The following ADAMTSL1 variants were observed in gnomAD, a reference collection of about 807,000 sequenced individuals.
ADAMTSL1 encodes the protein ADAMTS like 1, also known as ADAMTS-like protein 1.
In ADAMTSL1, 126 loss-of-function variants were observed where a neutral mutation model predicts 201.8. The ratio of observed to expected loss-of-function variants is 0.62; its 90% CI spans 0.54 to 0.72. The LOEUF (loss-of-function observed/expected upper bound fraction) is 0.72, where lower values mean the gene tolerates loss of function less well. Ranked by LOEUF, ADAMTSL1 falls within the 30% of genes least tolerant of loss-of-function variation. The pLI, the probability that ADAMTSL1 is intolerant of heterozygous loss-of-function variation, is 0.00. For missense variants in ADAMTSL1, 2,679 were observed against 2,277.8 expected (o/e 1.18, Z -3.59); for synonymous variants, 1,121 against 903.4 (o/e 1.24, Z -4.32).
At chr9:18,884,793 T>C (rs554255083) in intron 23 of ADAMTSL1, among the ~76,000 whole-genome samples, 1 of 152,366 alleles carries the variant, frequency 6.6e-6, no homozygotes, top group African/African-American at 2.4e-5. Flanking sequence ...TTTTGATTAC[T>C]ATCACTTTGT....
intron 1 of ADAMTSL1, among the ~76,000 whole-genome samples, chr9:18,055,474 A>T (rs1822140403): frequency 6.6e-6 from 1 of 152,224 alleles, no homozygotes; most frequent in Non-Finnish European, 1.5e-5. Flanking sequence ...CTATTCTAAA[A>T]ACCCTTCTAT....
chr9:18,504,880 T>A lies in ADAMTSL1; in HGVS notation c.115T>A (p.Trp39Arg). 6.2e-7 allele frequency: 1 copy of A among 1,613,684 alleles called. No individual in the cohort carries two copies. Among genetic ancestry groups the A allele is most frequent in the Non-Finnish European group, 8.5e-7 (1 of 1,179,912 alleles). The part of the protein sequence containing the change: ...EEDRDGLWDA[W>R]GPWSECSRTC... ...GGACCGGGACGGCCTATGGGATGCC[T>A]GGGGCCCATGGAGTGAATGCTCACG... The change falls in exon 2 of 29, where the codon TGG (tryptophan) becomes AGG (arginine). Residue 39 changes from tryptophan (W) to arginine (R), a missense_variant. Coordinates refer to ENST00000380548, the MANE Select transcript of ADAMTSL1 (RefSeq NM_001040272.6).
At chr9:18,785,642 A>G (rs960573879) in intron 19 of ADAMTSL1, among the ~76,000 whole-genome samples, 5 of 152,146 alleles carry the variant, frequency 3.3e-5, no homozygotes, top group African/African-American at 9.7e-5. Context: ...TGGAGATGAG[A>G]CTCAGGCAAA....
chr9:18,023,288 G>A (rs925230466), intron 1 of ADAMTSL1, among the ~76,000 whole-genome samples: 5 of 152,126 alleles, frequency 3.3e-5, no homozygotes, highest in African/African-American at 1.2e-4. Context: ...GTAGGTCTGG[G>A]GTGGTGCTCA....
intron 2 of ADAMTSL1, chr9:18,360,788 A>T (rs1196809075): frequency 3.3e-5 from 5 of 152,266 alleles, no homozygotes; most frequent in Admixed American, 2.0e-4. Flanking sequence ...TAATACATGG[A>T]TTTCATTGAC....
chr9:18,625,004 T>G (rs1444703998), intron 5 of ADAMTSL1, among the ~76,000 whole-genome samples: 2 of 152,218 alleles, frequency 1.3e-5, no homozygotes, highest in Non-Finnish European at 2.9e-5. Context: ...CTGAACAAAC[T>G]GCCTCACTTA....
At chr9:18,883,690 C>T (rs1588302390) in intron 23 of ADAMTSL1, among the ~76,000 whole-genome samples, 1 of 151,678 alleles carries the variant, frequency 6.6e-6, no homozygotes, top group South Asian at 2.1e-4. Context: ...TTATATCTGA[C>T]TTCCTTCATT....
chr9:17,922,348 G>C (rs961261886), intron 1 of ADAMTSL1, among the ~76,000 whole-genome samples: 9 of 152,122 alleles, frequency 5.9e-5, no homozygotes, highest in Non-Finnish European at 1.3e-4. Flanking sequence ...ACAAACTTCA[G>C]TGTGCCTAAG....
At chr9:18,761,898 C>A (rs1479114903) in intron 16 of ADAMTSL1, among the ~76,000 whole-genome samples, 1 of 152,208 alleles carries the variant, frequency 6.6e-6, no homozygotes, top group South Asian at 2.1e-4. Context: ...ATACCTGGAG[C>A]GTCAGACTCT....
At position 18,503,421 on chromosome 9, in the gene ADAMTSL1, G is replaced by GTGTATATATATA. The variant is rs376466829; in HGVS notation, c.64-1407_64-1406insGTATATATATAT. ...TTAAGGCTGAATAGTATTCCATTGT[G>GTGTATATATATA]TATATATATATATATATATACCACA... On this transcript the variant is annotated intron_variant, in intron 1 of 28. Coordinates refer to ENST00000380548, the MANE Select transcript of ADAMTSL1 (RefSeq NM_001040272.6). Among the ~76,000 whole-genome samples, 345 of 115,280 alleles carry GTGTATATATATA rather than the reference G, an allele frequency of 3.0e-3. 36 individuals carry two copies. The highest frequency in any genetic ancestry group is 5.0e-3 in the Non-Finnish European group (270 of 53,748). The allele number at this position is 115,280 out of a possible 152,430, so 75.6% of individuals were successfully genotyped here.
At chr9:18,847,440 G>C (rs1003932356) in intron 23 of ADAMTSL1, among the ~76,000 whole-genome samples, 1 of 152,216 alleles carries the variant, frequency 6.6e-6, no homozygotes, top group Non-Finnish European at 1.5e-5. Context: ...TATAGTAGGA[G>C]AAATAGAAAA....
At chr9:18,841,045 T>C (rs1825684268) in intron 23 of ADAMTSL1, among the ~76,000 whole-genome samples, 1 of 147,618 alleles carries the variant, frequency 6.8e-6, no homozygotes, top group African/African-American at 2.5e-5. Context: ...TCCTGCCGAA[T>C]TGCCCTGGCC....
rs140947294 is a variant in ADAMTSL1 at position 18,325,867 on chromosome 9, C to T, written c.207+161886C>T. On this transcript the variant is annotated intron_variant, in intron 2 of 29. Transcript: ENST00000680146. ...GCGATTCTCCTGCCTCCGCCTCCCG[C>T]GTCGCTGGGATTACAGGCATGCACC... 2.4e-4 allele frequency among the ~76,000 whole-genome samples: 37 copies of T among 152,238 alleles called. No homozygotes were observed. In the East Asian group the frequency reaches 4.6e-3, roughly 19 times the overall value.
intron 1 of ADAMTSL1, among the ~76,000 whole-genome samples, chr9:18,000,601 A>T (rs1422519356): frequency 6.6e-6 from 1 of 151,986 alleles, no homozygotes; most frequent in Non-Finnish European, 1.5e-5. Flanking sequence ...ACTTGGGAAA[A>T]ACCTCCTTTG....
chr9:18,533,210 T>C, intron 2 of ADAMTSL1, 37 bp from the exon 3 acceptor site: 2 of 1,569,100 alleles, frequency 1.3e-6, no homozygotes, highest in Non-Finnish European at 1.7e-6. Flanking sequence ...GAGCTTTTCA[T>C]AAGTAGTAAT....
chr9:18,045,422 C>G (rs1261958149), intron 1 of ADAMTSL1, among the ~76,000 whole-genome samples: 1 of 152,074 alleles, frequency 6.6e-6, no homozygotes, highest in African/African-American at 2.4e-5. Flanking sequence ...ATTTTGCCTT[C>G]TTTTGCTGAC....
chr9:18,134,958 T>C (rs1265808284), intron 1 of ADAMTSL1, among the ~76,000 whole-genome samples: 1 of 152,144 alleles, frequency 6.6e-6, no homozygotes. Context: ...ATTGCACTGA[T>C]ATTTCATCTG....
chr9:18,238,035 G>A (rs1324192439), intron 2 of ADAMTSL1, among the ~76,000 whole-genome samples: 1 of 152,210 alleles, frequency 6.6e-6, no homozygotes, highest in African/African-American at 2.4e-5. Flanking sequence ...TTTCCCTGAA[G>A]AACCACTTTT....
chr9:18,255,212 T>A (rs1447988871), intron 2 of ADAMTSL1, among the ~76,000 whole-genome samples: 1 of 152,192 alleles, frequency 6.6e-6, no homozygotes, highest in African/African-American at 2.4e-5. Flanking sequence ...GGGTCCCGTG[T>A]ATTTGCACAT....
Sources: allele counts gnomAD v4.1 joint callset (sites outside exome capture counted in the v4.1 genomes callset), GRCh38; gene constraint gnomAD v4.1.1; transcripts MANE v1.5; gene names NCBI Gene and HGNC (gene_info 2026-07-23, HGNC 2026-07-21).